The following CDH18 variants were observed in gnomAD, a reference collection of about 807,000 sequenced individuals.
The protein encoded by CDH18 is cadherin 18.
CDH18 carries 31 observed loss-of-function variants against 67.9 expected under a neutral mutation model. The observed-to-expected ratio is 0.46, with a 90% CI of 0.34 to 0.62. CDH18 has a LOEUF of 0.62. Among genes scored for constraint, CDH18 ranks in the 20% least tolerant of loss-of-function variants. CDH18 has a pLI of 0.01. For synonymous variants in CDH18, 362 were observed against 347.2 expected, an observed-to-expected ratio of 1.04 and a Z score of -0.48; for missense variants, 890 against 975.5, an observed-to-expected ratio of 0.91 and a Z score of 1.17.
intron 2 of CDH18, among the ~76,000 whole-genome samples, chr5:20,163,084 AATAG>A (rs1323557475): frequency 7.4e-6 from 1 of 134,656 alleles, no homozygotes; most frequent in Admixed American, 7.5e-5. Flanking sequence ...TAAATAAATA[AATAG>A]AATTTATCTG....
At chr5:19,624,566 C>T (rs1471268073) in intron 5 of CDH18, among the ~76,000 whole-genome samples, 1 of 152,022 alleles carries the variant, frequency 6.6e-6, no homozygotes, top group Non-Finnish European at 1.5e-5. Context: ...CAGAATTGGG[C>T]CAAAGTAGCC....
intron 5 of CDH18, among the ~76,000 whole-genome samples, chr5:19,700,472 A>C (rs2150473867): frequency 6.6e-6 from 1 of 152,222 alleles, no homozygotes; most frequent in East Asian, 1.9e-4. Flanking sequence ...GTGTTTGGGG[A>C]GATAGAGAGA....
At chr5:20,320,045 C>G (rs1242949875) in intron 1 of CDH18, among the ~76,000 whole-genome samples, 1 of 152,092 alleles carries the variant, frequency 6.6e-6, no homozygotes, top group Non-Finnish European at 1.5e-5. Context: ...GGACACAATG[C>G]CACTCTGCTA....
intron 2 of CDH18, among the ~76,000 whole-genome samples, chr5:19,922,424 C>T (rs941085136): frequency 2.6e-5 from 4 of 152,164 alleles, no homozygotes; most frequent in African/African-American, 7.2e-5. Flanking sequence ...AAACTTATTT[C>T]ACCCAAAGAA....
intron 3 of CDH18, among the ~76,000 whole-genome samples, chr5:19,772,986 A>C (rs1773896121): frequency 6.6e-6 from 1 of 152,264 alleles, no homozygotes; most frequent in South Asian, 2.1e-4. Flanking sequence ...AGAGCTGGTG[A>C]ATTATTGTGT....
chr5:20,423,946 CAAAAAAA>C (rs553723574), intron 1 of CDH18, among the ~76,000 whole-genome samples: 648 of 63,812 alleles, frequency 0.01, 15 homozygotes, highest in African/African-American at 0.05. Flanking sequence ...GACTCCGTCT[CAAAAAAA>C]AAAAAAAAAA....
intron 5 of CDH18, among the ~76,000 whole-genome samples, chr5:19,638,858 T>C (rs985280283): frequency 1.3e-5 from 2 of 152,076 alleles, no homozygotes; most frequent in Admixed American, 6.6e-5. Flanking sequence ...GCCCACGAGT[T>C]TCCTTTTCAA....
At chr5:20,100,756 T>G (rs1232161216) in intron 2 of CDH18, among the ~76,000 whole-genome samples, 2 of 152,150 alleles carry the variant, frequency 1.3e-5, no homozygotes, top group Admixed American at 1.3e-4. Context: ...CATGACCCTC[T>G]TCATGGTTTC....
Position 19,494,568 on chromosome 5 carries a change from T to A in CDH18, c.1630+8424A>T, listed in dbSNP as rs942427112. 2.6e-5 allele frequency among the ~76,000 whole-genome samples: 4 copies of A among 152,340 alleles called. 1 individual carries two copies. The highest frequency in any genetic ancestry group is 1.3e-4 in the Admixed American group (2 of 15,306). ...AATTGTATCATCTTACCAGATTTTT[T>A]AAATTTTCATGTTAGCTCAAAAAGT... On this transcript the variant is annotated intron_variant, in intron 11 of 12. Transcript: ENST00000382275.
chr5:20,384,696 T>C (rs1744176478), intron 1 of CDH18, among the ~76,000 whole-genome samples: 1 of 152,224 alleles, frequency 6.6e-6, no homozygotes, highest in Non-Finnish European at 1.5e-5. Context: ...ACATTTTACA[T>C]ACCAACAACA....
intron 1 of CDH18, among the ~76,000 whole-genome samples, chr5:20,439,473 A>C (rs1258154021): frequency 2.0e-5 from 3 of 151,566 alleles, no homozygotes; most frequent in Non-Finnish European, 4.4e-5. Context: ...ATACACATGC[A>C]CACACCGTTT....
intron 1 of CDH18, among the ~76,000 whole-genome samples, chr5:20,333,115 A>G (rs1324262393): frequency 2.6e-5 from 4 of 152,164 alleles, no homozygotes; most frequent in Middle Eastern, 3.2e-3. Context: ...GTACCTCTAT[A>G]TAATAGATAT....
chr5:19,893,997 T>C (rs1363155434), intron 2 of CDH18, among the ~76,000 whole-genome samples: 3 of 152,170 alleles, frequency 2.0e-5, no homozygotes, highest in African/African-American at 4.8e-5. Flanking sequence ...ATACCCGCTA[T>C]CTTTTTGCTT....
At chr5:20,536,753 G>T (rs1756749520) in intron 1 of CDH18, among the ~76,000 whole-genome samples, 1 of 152,146 alleles carries the variant, frequency 6.6e-6, no homozygotes, top group South Asian at 2.1e-4. Context: ...TAACTTCATA[G>T]TTCAGAAAAC....
chr5:20,487,840 T>C (rs1482584688), intron 1 of CDH18, among the ~76,000 whole-genome samples: 1 of 152,050 alleles, frequency 6.6e-6, no homozygotes, highest in Non-Finnish European at 1.5e-5. Context: ...TCCATGACAA[T>C]ATTCCAGATT....
At chr5:19,992,538 T>C (rs1800043301), upstream of CDH18, among the ~76,000 whole-genome samples, 1 of 151,940 alleles carries the variant, frequency 6.6e-6, no homozygotes, top group African/African-American at 2.4e-5. Flanking sequence ...AATATTTTCC[T>C]AACTTTCAAA....
chr5:19,595,773 T>TAA (rs1209694601), intron 6 of CDH18, among the ~76,000 whole-genome samples: 13 of 152,214 alleles, frequency 8.5e-5, no homozygotes, highest in African/African-American at 3.1e-4. Flanking sequence ...CTCTCTTTCA[T>TAA]AAGCATTGGA....
chr5:19,713,105 A>AT (rs34628568), intron 5 of CDH18, among the ~76,000 whole-genome samples: 2 of 150,866 alleles, frequency 1.3e-5, no homozygotes, highest in African/African-American at 4.9e-5. Flanking sequence ...AATTCCCAGT[A>AT]TTTTTTTTTT....
At chr5:20,392,558 T>C (rs182251630) in intron 1 of CDH18, among the ~76,000 whole-genome samples, 2 of 151,912 alleles carry the variant, frequency 1.3e-5, no homozygotes, top group Admixed American at 6.6e-5. Context: ...TGAATATTAT[T>C]TTCCCCTTCT....
Sources: allele counts gnomAD v4.1 joint callset (sites outside exome capture counted in the v4.1 genomes callset), GRCh38; gene constraint gnomAD v4.1.1; transcripts MANE v1.5; gene names NCBI Gene and HGNC (gene_info 2026-07-23, HGNC 2026-07-21).